ZNF536: variants seen among roughly 807,000 people sequenced by gnomAD.
The protein encoded by ZNF536 is zinc finger protein 536.
A neutral mutation model predicts 84.5 loss-of-function variants in ZNF536; 13 were observed. The ratio of observed to expected loss-of-function variants is 0.15; its 90% CI spans 0.10 to 0.24. The LOEUF is 0.24. ZNF536 is among the 10% of genes least tolerant of loss of function. The pLI is 1.00. For synonymous variants in ZNF536, 811 were observed against 742.5 expected (o/e 1.09, Z -1.50); for missense variants, 1,536 against 1,747.5 (o/e 0.88, Z 2.16).
intron 2 of ZNF536, among the ~76,000 whole-genome samples, chr19:30,327,748 T>C (rs1158431611): frequency 6.6e-6 from 1 of 152,196 alleles, no homozygotes; most frequent in Non-Finnish European, 1.5e-5. Context: ...TCTTCTCAGA[T>C]CACACTCTTG....
chr19:30,376,458 A>G (rs1323506944), intron 1 of ZNF536, among the ~76,000 whole-genome samples: 2 of 152,192 alleles, frequency 1.3e-5, no homozygotes, highest in Non-Finnish European at 2.9e-5. Flanking sequence ...GGGAACAGCC[A>G]CCAGAGCCCT....
At chr19:30,484,169 T>A (rs1198342188) in intron 2 of ZNF536, among the ~76,000 whole-genome samples, 1 of 151,394 alleles carries the variant, frequency 6.6e-6, no homozygotes, top group Non-Finnish European at 1.5e-5. Flanking sequence ...GTTGAATGGA[T>A]GAATGTATGT....
intron 1 of ZNF536, among the ~76,000 whole-genome samples, chr19:30,622,893 G>A (rs1310852475): frequency 6.6e-6 from 1 of 150,762 alleles, no homozygotes; most frequent in Non-Finnish European, 1.5e-5. Context: ...CTCCAAGGCA[G>A]ACAACCTAGG....
intron 3 of ZNF536, among the ~76,000 whole-genome samples, chr19:30,542,818 T>C (rs1412237061): frequency 1.3e-5 from 2 of 152,168 alleles, no homozygotes; most frequent in Non-Finnish European, 2.9e-5. Context: ...TATGACACTT[T>C]TCTTTTTTCT....
chr19:30,524,142 G>A (rs929401778), intron 2 of ZNF536, among the ~76,000 whole-genome samples: 6 of 152,174 alleles, frequency 3.9e-5, no homozygotes, highest in Admixed American at 1.3e-4. Context: ...ATTTAAAATG[G>A]TGTGTGTGTC....
chr19:30,305,504 C>G (rs923168784), intron 2 of ZNF536, among the ~76,000 whole-genome samples: 1 of 152,302 alleles, frequency 6.6e-6, no homozygotes, highest in African/African-American at 2.4e-5. Flanking sequence ...AGAATCAGCT[C>G]AGGCTGCTCT....
rs906681286 is a variant in ZNF536, at chr19:30,413,304, G to A, written c.-2-30257G>A. Among the ~76,000 whole-genome samples the A allele has an allele frequency of 2.6e-5, 4 of 151,986 alleles. No individual in the cohort carries two copies. The East Asian group carries it at 7.7e-4, about 29-fold the overall frequency. ...CCCCTCCCTAGTTTATGGAATTGAA[G>A]GCTTTGTTCATTTGTTTTCAATTCT... On this transcript the variant is annotated intron_variant, in intron 1 of 4. Transcript: ENST00000355537.
At chr19:30,642,550 G>C (rs1389268407) in intron 1 of ZNF536, among the ~76,000 whole-genome samples, 1 of 152,180 alleles carries the variant, frequency 6.6e-6, no homozygotes. Flanking sequence ...GAAGGTAGAA[G>C]GTCAGAGAGA....
At chr19:30,226,175 C>A (rs1388524656), upstream of ZNF536, among the ~76,000 whole-genome samples, 1 of 148,896 alleles carries the variant, frequency 6.7e-6, no homozygotes, top group Non-Finnish European at 1.5e-5. The surrounding 1 kb of genome is among the most constrained non-coding windows in gnomAD (Gnocchi z 4.6). Flanking sequence ...GCGAGCGGCC[C>A]GCGAGCCACT....
chr19:30,496,988 G>A lies in ZNF536; in HGVS notation c.2171-37859G>A, dbSNP rs960104755. Among the ~76,000 whole-genome samples the A allele has an allele frequency of 2.0e-5, 3 of 152,200 alleles. No homozygotes were observed. In the East Asian group the frequency reaches 5.8e-4, roughly 29 times the overall value. ...AGAGAAAGGGGCTGGGAGCCCTCTG[G>A]GGGAGCTTGGCTCAGCAGTGTGATG... is the stretch of plus-strand genomic sequence containing the variant. On this transcript the variant is annotated intron_variant, in intron 2 of 4. Coordinates refer to ENST00000355537, the MANE Select transcript of ZNF536 (RefSeq NM_014717.3).
chr19:30,593,821 C>T (rs1340555885), intron 1 of ZNF536, among the ~76,000 whole-genome samples: 1 of 152,218 alleles, frequency 6.6e-6, no homozygotes, highest in Admixed American at 6.5e-5. Context: ...TGGGGTCTGC[C>T]AGCCTGGCTG....
At chr19:30,581,864 G>A (rs1303712767) in intron 1 of ZNF536, among the ~76,000 whole-genome samples, 3 of 152,170 alleles carry the variant, frequency 2.0e-5, no homozygotes, top group African/African-American at 4.8e-5. Context: ...AACCCAGGAG[G>A]CAGAGGTTGC....
chr19:30,552,615 C>G (rs1386004920), intron 4 of ZNF536, among the ~76,000 whole-genome samples: 1 of 152,198 alleles, frequency 6.6e-6, no homozygotes, highest in Non-Finnish European at 1.5e-5. Context: ...TCCATCATTT[C>G]TGCATGCCTT....
At chr19:30,231,897 A>G (rs2023081127) in intron 1 of ZNF536, among the ~76,000 whole-genome samples, 1 of 152,168 alleles carries the variant, frequency 6.6e-6, no homozygotes, top group African/African-American at 2.4e-5. Context: ...CTTTTCATCC[A>G]CAATTGTACT....
chr19:30,611,725 G>A (rs1448163160), intron 1 of ZNF536, among the ~76,000 whole-genome samples: 2 of 152,160 alleles, frequency 1.3e-5, no homozygotes, highest in Non-Finnish European at 2.9e-5. Flanking sequence ...CAAACAAAAT[G>A]TGATACCCAC....
At chr19:30,337,510 C>A (rs901632170) in intron 2 of ZNF536, among the ~76,000 whole-genome samples, 3 of 152,174 alleles carry the variant, frequency 2.0e-5, no homozygotes, top group Admixed American at 6.5e-5. Flanking sequence ...CCCAAGCAGC[C>A]TCCCTGTACT....
At chr19:30,520,821 C>A (rs2044289772) in intron 2 of ZNF536, among the ~76,000 whole-genome samples, 1 of 152,126 alleles carries the variant, frequency 6.6e-6, no homozygotes, top group African/African-American at 2.4e-5. Flanking sequence ...GCTGGATGAC[C>A]TTTTGTCCAC....
At chr19:30,270,194 C>G (rs912554669) in intron 1 of ZNF536, among the ~76,000 whole-genome samples, 6 of 152,166 alleles carry the variant, frequency 3.9e-5, no homozygotes, top group Admixed American at 3.9e-4. Flanking sequence ...GACAATTCTT[C>G]GTGGATACAA....
intron 2 of ZNF536, among the ~76,000 whole-genome samples, chr19:30,483,572 G>C (rs981325832): frequency 7.1e-6 from 1 of 141,442 alleles, no homozygotes; most frequent in African/African-American, 2.7e-5. Context: ...CCCTCTTTCT[G>C]CTTCTTAAAC....
Sources: gnomAD v4.1 joint callset for allele counts (sites outside exome capture counted in the v4.1 genomes callset) on GRCh38, gnomAD v4.1.1 for gene constraint, Gnocchi (gnomAD v3.1) non-coding constraint, MANE v1.5 for transcripts, NCBI Gene and HGNC (gene_info 2026-07-23, HGNC 2026-07-21) for gene names.